The following TLL2 variants were observed in gnomAD, a reference collection of about 807,000 sequenced individuals.
The protein encoded by TLL2 is tolloid like 2.
TLL2 carries 106 observed loss-of-function variants against 123.0 expected under a neutral mutation model. The observed-to-expected ratio is 0.86, with a 90% CI of 0.74 to 1.01. The LOEUF is 1.01. TLL2 is among the 50% of genes least tolerant of loss of function. The pLI, the probability that TLL2 is intolerant of heterozygous loss-of-function variation, is 0.00. For synonymous variants in TLL2, 494 were observed against 516.8 expected (o/e 0.96, Z 0.60); for missense variants, 1,332 against 1,336.7 (o/e 1.00, Z 0.06).
intron 13 of TLL2, among the ~76,000 whole-genome samples, chr10:96,392,920 T>C (rs1846302186): frequency 1.3e-5 from 2 of 152,180 alleles, no homozygotes; most frequent in Admixed American, 6.5e-5. Flanking sequence ...CAGGTCCGTG[T>C]AAGGCAAAGA....
At chr10:96,476,361 A>T (rs1847251994) in intron 2 of TLL2, among the ~76,000 whole-genome samples, 1 of 150,250 alleles carries the variant, frequency 6.7e-6, no homozygotes, top group South Asian at 2.1e-4. Flanking sequence ...CCCGGGTTCC[A>T]GCAATTCTCC....
chr10:96,462,002 A>G (rs973407257), intron 2 of TLL2, among the ~76,000 whole-genome samples: 5 of 152,228 alleles, frequency 3.3e-5, no homozygotes, highest in Non-Finnish European at 7.3e-5. Flanking sequence ...TTCACAGCAG[A>G]CGCTTACAAA....
At chr10:96,502,573 T>C (rs1355797126) in intron 1 of TLL2, among the ~76,000 whole-genome samples, 1 of 151,940 alleles carries the variant, frequency 6.6e-6, no homozygotes, top group African/African-American at 2.4e-5. Flanking sequence ...GGGTTTCTGG[T>C]TTAGGGACCT....
intron 10 of TLL2, among the ~76,000 whole-genome samples, chr10:96,399,007 G>T (rs1386265733): frequency 1.3e-5 from 2 of 151,684 alleles, no homozygotes; most frequent in African/African-American, 4.8e-5. Context: ...AAGTAGCTGG[G>T]ACTACAGGCA....
In TLL2 at chr10:96,370,274, G is replaced by T. The variant is rs1057234997; in HGVS notation, c.2704C>A (p.Leu902Ile). 1.0e-5 allele frequency: 16 copies of T among 1,606,744 alleles called. No homozygotes were observed. The highest frequency in any genetic ancestry group is 1.2e-5 in the Non-Finnish European group (14 of 1,176,114). The change falls in exon 20 of 21, where the codon CTC (leucine) becomes ATC (isoleucine). Residue 902 changes from leucine (L) to isoleucine (I), a missense_variant. Transcript: ENST00000357947. ...TCCCCAAACTGGGCGTGGGAATAGA[G>T]CTCTTTGGTCTGCACTTCAGCCTTC... ...RLKAEVQTKE[L>I]YSHAQFGDNN... is the part of the protein sequence containing the mutation.
chr10:96,469,188 G>A (rs1245099622), intron 2 of TLL2, among the ~76,000 whole-genome samples: 8 of 152,226 alleles, frequency 5.3e-5, no homozygotes, highest in Non-Finnish European at 1.5e-5. Flanking sequence ...GATTTCAGGG[G>A]TTTGGACTCA....
chr10:96,460,050 C>A (rs1847064578), intron 2 of TLL2, among the ~76,000 whole-genome samples: 1 of 151,968 alleles, frequency 6.6e-6, no homozygotes, highest in Non-Finnish European at 1.5e-5. Context: ...TTTGGTTTGA[C>A]ATATTTAACT....
chr10:96,446,284 G>A (rs745919470), intron 2 of TLL2, 116 bp from the exon 3 acceptor site: 13 of 920,466 alleles, frequency 1.4e-5, no homozygotes, highest in Non-Finnish European at 2.0e-5. Flanking sequence ...CCACGGATTC[G>A]TAAGCTTCGT....
chr10:96,506,721 G>A (rs1170532378), intron 1 of TLL2, among the ~76,000 whole-genome samples: 3 of 151,776 alleles, frequency 2.0e-5, no homozygotes, highest in Admixed American at 6.6e-5. Flanking sequence ...CTCTCCTCTC[G>A]CTGTGTGGGA....
intron 8 of TLL2, among the ~76,000 whole-genome samples, chr10:96,412,977 C>T (rs751060478): frequency 6.6e-6 from 1 of 152,222 alleles, no homozygotes; most frequent in Non-Finnish European, 1.5e-5. Flanking sequence ...ATGAAATTGC[C>T]AATGGACTCT....
rs540697316 is a variant in TLL2 at position 96,417,678 on chromosome 10, C to A, written c.923+3278G>T. 2.2e-4 allele frequency among the ~76,000 whole-genome samples: 34 copies of A among 152,284 alleles called. No homozygotes were observed. The South Asian group carries it at 6.4e-3, about 29-fold the overall frequency. On this transcript the variant is annotated intron_variant, in intron 7 of 20. Coordinates refer to ENST00000357947, the MANE Select transcript of TLL2 (RefSeq NM_012465.4). Reference sequence around the variant, plus strand: ...CTGTGAGTCCCCATGCAGTGTAAAGCCTGGTCTAGCCTACTGGAGGATGAG... The same window carrying A: ...CTGTGAGTCCCCATGCAGTGTAAAGACTGGTCTAGCCTACTGGAGGATGAG...
Position 96,397,221 on chromosome 10 carries a change from TTGC to T in TLL2, c.1346_1348del (p.Ser449del). On this transcript the variant is annotated inframe_deletion, in exon 11 of 21. Transcript: ENST00000357947. ...TGCAAAGAAGCCCTTGCCCAAGATGTTGCTGCTGCTGCGGAACTCCACCCAGAG... is the reference window on the plus strand; with the variant it reads ...TGCAAAGAAGCCCTTGCCCAAGATGTTGCTGCTGCGGAACTCCACCCAGAG... 1.2e-6 allele frequency: 2 copies of T among 1,613,884 alleles called. No homozygotes were observed. Among genetic ancestry groups the T allele is most frequent in the South Asian group, 2.2e-5 (2 of 91,068 alleles).
intron 14 of TLL2, 93 bp downstream of exon 14, chr10:96,386,860 A>G: frequency 6.4e-7 from 1 of 1,568,960 alleles, no homozygotes; most frequent in South Asian, 1.1e-5. Context: ...CATCGTTCCT[A>G]CACAGCCAGC....
intron 20 of TLL2, among the ~76,000 whole-genome samples, chr10:96,369,240 A>G (rs1298305111): frequency 1.3e-5 from 2 of 152,158 alleles, no homozygotes; most frequent in African/African-American, 2.4e-5. Flanking sequence ...AGCACCAACT[A>G]TATGCCAAGC....
At chr10:96,436,799 C>A (rs533841501) in intron 3 of TLL2, among the ~76,000 whole-genome samples, 7 of 152,164 alleles carry the variant, frequency 4.6e-5, no homozygotes, top group African/African-American at 7.2e-5. Flanking sequence ...CATCCTCCCC[C>A]CTCACCCTCC....
chr10:96,487,746 C>G (rs1847371653), intron 1 of TLL2, among the ~76,000 whole-genome samples: 2 of 152,140 alleles, frequency 1.3e-5, no homozygotes, highest in Admixed American at 1.3e-4. Flanking sequence ...GGTCACAGGG[C>G]CAGCAAGCAG....
chr10:96,397,527 C>T (rs375796725), intron 10 of TLL2, among the ~76,000 whole-genome samples: 1 of 152,122 alleles, frequency 6.6e-6, no homozygotes, highest in Non-Finnish European at 1.5e-5. Flanking sequence ...AGGAGAATTC[C>T]AAATTCCCAT....
intron 9 of TLL2, among the ~76,000 whole-genome samples, chr10:96,407,493 A>G (rs188163261): frequency 7.2e-5 from 11 of 152,270 alleles, no homozygotes; most frequent in Admixed American, 7.2e-4. Flanking sequence ...TCACTGTGCT[A>G]TTGAGGGGAC....
intron 1 of TLL2, among the ~76,000 whole-genome samples, chr10:96,493,512 T>TG (rs904761460): frequency 6.6e-6 from 1 of 150,834 alleles, no homozygotes; most frequent in South Asian, 2.1e-4. Context: ...CCAGCTGGAG[T>TG]GGGGGGCCCA....
Sources: gnomAD v4.1 joint callset for allele counts (sites outside exome capture counted in the v4.1 genomes callset) on GRCh38, gnomAD v4.1.1 for gene constraint, MANE v1.5 for transcripts, NCBI Gene and HGNC (gene_info 2026-07-23, HGNC 2026-07-21) for gene names.